ZFPM2: variants seen among roughly 807,000 people sequenced by gnomAD.
ZFPM2 encodes the protein zinc finger protein ZFPM2.
A neutral mutation model predicts 98.6 loss-of-function variants in ZFPM2; 20 were observed. The ratio of observed to expected loss-of-function variants is 0.20; its 90% CI spans 0.14 to 0.29. ZFPM2 has a LOEUF of 0.29. ZFPM2 is among the 10% of genes least tolerant of loss of function. ZFPM2 has a pLI of 1.00. For missense variants in ZFPM2, 1,310 were observed against 1,388.6 expected (o/e 0.94, Z 0.90); for synonymous variants, 518 against 502.7 (o/e 1.03, Z -0.41).
chr8:105,535,085 C>A (rs1157726011), intron 3 of ZFPM2, among the ~76,000 whole-genome samples: 1 of 152,158 alleles, frequency 6.6e-6, no homozygotes, highest in Non-Finnish European at 1.5e-5. Context: ...CATATGAAGG[C>A]ATATCATTGG....
intron 5 of ZFPM2, among the ~76,000 whole-genome samples, chr8:105,642,439 T>C (rs1816965097): frequency 6.6e-6 from 1 of 152,158 alleles, no homozygotes; most frequent in African/African-American, 2.4e-5. Flanking sequence ...AATATTTGCA[T>C]TTGAAAATCA....
At chr8:105,699,631 G>T (rs1362469278) in intron 5 of ZFPM2, among the ~76,000 whole-genome samples, 1 of 151,970 alleles carries the variant, frequency 6.6e-6, no homozygotes, top group African/African-American at 2.4e-5. Context: ...GTGAATAATG[G>T]CAATGATTCC....
intron 1 of ZFPM2, among the ~76,000 whole-genome samples, chr8:105,388,958 G>A (rs1365470959): frequency 1.3e-5 from 2 of 151,784 alleles, no homozygotes; most frequent in Non-Finnish European, 2.9e-5. Context: ...AGGAGAGAAC[G>A]TGCACATACA....
chr8:105,702,903 G>A (rs1811171319), intron 5 of ZFPM2, among the ~76,000 whole-genome samples: 1 of 152,150 alleles, frequency 6.6e-6, no homozygotes, highest in Non-Finnish European at 1.5e-5. Context: ...TGGAAGGTTA[G>A]GACAGGCAGG....
intron 1 of ZFPM2, among the ~76,000 whole-genome samples, chr8:105,413,239 G>C (rs1811612134): frequency 6.6e-6 from 1 of 151,760 alleles, no homozygotes; most frequent in South Asian, 2.1e-4. Context: ...TCCAATTTTA[G>C]TGTCAGTCCA....
intron 5 of ZFPM2, among the ~76,000 whole-genome samples, chr8:105,657,653 A>G (rs1386738774): frequency 6.6e-6 from 1 of 152,158 alleles, no homozygotes; most frequent in African/African-American, 2.4e-5. Context: ...CGTACTTTAT[A>G]AGCAAACCTT....
At chr8:105,513,849 A>G (rs2130517226) in intron 3 of ZFPM2, among the ~76,000 whole-genome samples, 1 of 152,302 alleles carries the variant, frequency 6.6e-6, no homozygotes, top group Non-Finnish European at 1.5e-5. Flanking sequence ...GGATTTTCTA[A>G]GGGTGGAATA....
chr8:105,404,062 C>A (rs1206587374), intron 1 of ZFPM2, among the ~76,000 whole-genome samples: 1 of 151,842 alleles, frequency 6.6e-6, no homozygotes, highest in East Asian at 1.9e-4. Flanking sequence ...AGATTTGGCC[C>A]TAGGCGCTAG....
chr8:105,567,548 G>A (rs1412700147), intron 4 of ZFPM2, among the ~76,000 whole-genome samples: 2 of 151,996 alleles, frequency 1.3e-5, no homozygotes, highest in Non-Finnish European at 2.9e-5. Context: ...CAACCTTACT[G>A]GAATTTTCTG....
chr8:105,668,799 ATTACT>A (rs1246339449), intron 5 of ZFPM2, among the ~76,000 whole-genome samples: 1 of 152,110 alleles, frequency 6.6e-6, no homozygotes, highest in Non-Finnish European at 1.5e-5. Context: ...TTGAGGTGAG[ATTACT>A]TTAGTTTCTC....
intron 5 of ZFPM2, among the ~76,000 whole-genome samples, chr8:105,634,577 G>GTGCC (rs71305170): frequency 0.19 from 29,352 of 151,686 alleles, 2,907 homozygotes; most frequent in South Asian, 0.26. Flanking sequence ...AATTTACTTA[G>GTGCC]TGCCTTATAC....
intron 3 of ZFPM2, among the ~76,000 whole-genome samples, chr8:105,553,003 G>T (rs1440015865): frequency 6.6e-6 from 1 of 151,494 alleles, no homozygotes; most frequent in Non-Finnish European, 1.5e-5. Context: ...TAAAGACAGG[G>T]TTTTGCCATG....
At chr8:105,444,500 A>C in intron 3 of ZFPM2, 119 bp downstream of exon 3, 1 of 577,486 alleles carries the variant, frequency 1.7e-6, no homozygotes, top group Non-Finnish European at 2.9e-6. Context: ...TGGTTACATG[A>C]GAGTTTAAAT....
intron 3 of ZFPM2, among the ~76,000 whole-genome samples, chr8:105,534,732 A>T (rs762315480): frequency 3.3e-5 from 5 of 152,326 alleles, no homozygotes; most frequent in African/African-American, 4.8e-5. Flanking sequence ...ACAAGGAAAC[A>T]ACCAGACATT....
chr8:105,673,709 T>C (rs1352321084), intron 5 of ZFPM2, among the ~76,000 whole-genome samples: 1 of 152,232 alleles, frequency 6.6e-6, no homozygotes, highest in Non-Finnish European at 1.5e-5. Flanking sequence ...TTAGGCATTA[T>C]GCTCAAAACA....
chr8:105,478,028 T>G (rs79316524), intron 3 of ZFPM2, among the ~76,000 whole-genome samples: 4,356 of 152,292 alleles, frequency 0.029, 194 homozygotes, highest in African/African-American at 0.099. Flanking sequence ...AAATGAAATT[T>G]TTCAAGTCTG....
At chr8:105,334,834 G>A (rs551390375) in intron 1 of ZFPM2, among the ~76,000 whole-genome samples, 12 of 151,472 alleles carry the variant, frequency 7.9e-5, no homozygotes, top group South Asian at 6.2e-4. Flanking sequence ...GCTCTTTTTC[G>A]TACCTTATTA....
At chr8:105,727,381 C>CATAA (rs969335035) in intron 5 of ZFPM2, among the ~76,000 whole-genome samples, 1 of 151,560 alleles carries the variant, frequency 6.6e-6, no homozygotes, top group African/African-American at 2.4e-5. Flanking sequence ...TACATAAATA[C>CATAA]ATAAATAAAT....
At chr8:105,723,971 T>C (rs987663765) in intron 5 of ZFPM2, among the ~76,000 whole-genome samples, 1 of 151,824 alleles carries the variant, frequency 6.6e-6, no homozygotes, top group African/African-American at 2.4e-5. Flanking sequence ...AAGCTGCTTC[T>C]CCTGTTATCT....
Sources: gnomAD v4.1 joint callset for allele counts (sites outside exome capture counted in the v4.1 genomes callset) on GRCh38, gnomAD v4.1.1 for gene constraint, MANE v1.5 for transcripts, NCBI Gene and HGNC (gene_info 2026-07-23, HGNC 2026-07-21) for gene names.